The following PALLD variants were observed in gnomAD, a reference collection of about 807,000 sequenced individuals.
PALLD encodes the protein palladin, cytoskeletal associated protein.
A neutral mutation model predicts 123.5 loss-of-function variants in PALLD; 61 were observed. That is an observed-to-expected ratio of 0.49 (90% CI 0.40 to 0.61). The LOEUF is 0.61. Among genes scored for constraint, PALLD ranks in the 20% least tolerant of loss-of-function variants. The probability of loss-of-function intolerance (pLI) is 0.00; values close to 1 mark genes in which losing one functional copy is unlikely to be tolerated. For missense variants in PALLD, 1,273 were observed against 1,377.0 expected (o/e 0.92, Z 1.20); for synonymous variants, 465 against 496.4 (o/e 0.94, Z 0.84).
At chr4:168,807,275 A>ATG (rs1436222370) in intron 10 of PALLD, among the ~76,000 whole-genome samples, 2 of 149,442 alleles carry the variant, frequency 1.3e-5, no homozygotes, top group African/African-American at 5.0e-5. Flanking sequence ...ACACACACAC[A>ATG]CGCACACACA....
intron 10 of PALLD, among the ~76,000 whole-genome samples, chr4:168,822,872 C>T (rs1189942656): frequency 6.6e-6 from 1 of 152,066 alleles, no homozygotes; most frequent in Non-Finnish European, 1.5e-5. Flanking sequence ...GATTTAGGTT[C>T]ACATAGAATA....
At chr4:168,498,498 T>C (rs2149384002) in intron 1 of PALLD, among the ~76,000 whole-genome samples, 1 of 152,312 alleles carries the variant, frequency 6.6e-6, no homozygotes, top group Middle Eastern at 3.4e-3. Context: ...AAAATAAATA[T>C]GACAAGTTCT....
chr4:168,562,385 T>A (rs1437146044), intron 2 of PALLD, among the ~76,000 whole-genome samples: 1 of 152,226 alleles, frequency 6.6e-6, no homozygotes, highest in Non-Finnish European at 1.5e-5. Flanking sequence ...AGTAAGTCTG[T>A]GTTCTAAGCA....
chr4:168,802,017 T>A (rs1002844155), intron 10 of PALLD, among the ~76,000 whole-genome samples: 4 of 152,228 alleles, frequency 2.6e-5, no homozygotes, highest in Admixed American at 2.6e-4. Flanking sequence ...GAACATGGAA[T>A]TAGGTTAGTA....
intron 3 of PALLD, among the ~76,000 whole-genome samples, chr4:168,668,878 G>A (rs890225358): frequency 1.3e-5 from 2 of 152,168 alleles, no homozygotes; most frequent in Non-Finnish European, 2.9e-5. Flanking sequence ...AATCAATGTT[G>A]TATTAAAGAG....
chr4:168,543,874 C>T (rs937041050), intron 2 of PALLD, among the ~76,000 whole-genome samples: 1 of 152,142 alleles, frequency 6.6e-6, no homozygotes, highest in Non-Finnish European at 1.5e-5. Flanking sequence ...AGGAAGAGAT[C>T]CTTCTAGTTT....
At chr4:168,660,786 C>T (rs957297620) in intron 2 of PALLD, among the ~76,000 whole-genome samples, 3 of 152,064 alleles carry the variant, frequency 2.0e-5, no homozygotes, top group Non-Finnish European at 4.4e-5. Context: ...ATCTCCTCTC[C>T]AACAAATTGA....
At chr4:168,754,816 G>A (rs539273479) in intron 10 of PALLD, among the ~76,000 whole-genome samples, 1 of 152,320 alleles carries the variant, frequency 6.6e-6, no homozygotes, top group African/African-American at 2.4e-5. Flanking sequence ...CACACATGGG[G>A]ATGGAACAAT....
chr4:168,840,653 T>C (rs1351987152), intron 10 of PALLD, among the ~76,000 whole-genome samples: 1 of 152,134 alleles, frequency 6.6e-6, no homozygotes, highest in African/African-American at 2.4e-5. Flanking sequence ...TAAAAGTTAT[T>C]TGGAATGATT....
chr4:168,716,211 G>A (rs991710091), intron 10 of PALLD, among the ~76,000 whole-genome samples: 1 of 152,120 alleles, frequency 6.6e-6, no homozygotes, highest in Admixed American at 6.5e-5. Flanking sequence ...CTCTAAGCCT[G>A]TAGACGAGCA....
At chr4:168,697,908 A>G (rs1403102261) in intron 8 of PALLD, among the ~76,000 whole-genome samples, 1 of 152,236 alleles carries the variant, frequency 6.6e-6, no homozygotes, top group African/African-American at 2.4e-5. Flanking sequence ...TCAAATAGAT[A>G]TCTGCACTCC....
At chr4:168,696,970 G>A (rs902905579) in intron 8 of PALLD, among the ~76,000 whole-genome samples, 1 of 152,162 alleles carries the variant, frequency 6.6e-6, no homozygotes, top group Non-Finnish European at 1.5e-5. Context: ...TCCACTGATT[G>A]CACAACATAT....
At chr4:168,898,175 G>A (rs1271864534) in intron 13 of PALLD, 1 of 393,480 alleles carries the variant, frequency 2.5e-6, no homozygotes, top group African/African-American at 2.1e-5. Context: ...AACAGTTTAG[G>A]AATACATAGC....
At chr4:168,527,563 GAAACTT>G (rs1764191218) in intron 2 of PALLD, among the ~76,000 whole-genome samples, 1 of 151,694 alleles carries the variant, frequency 6.6e-6, no homozygotes, top group South Asian at 2.1e-4. Context: ...GATCAGAAAA[GAAACTT>G]AAATATTCCT....
intron 8 of PALLD, among the ~76,000 whole-genome samples, chr4:168,706,867 TACA>T (rs529069124): frequency 1.1e-3 from 160 of 152,280 alleles, no homozygotes; most frequent in African/African-American, 3.7e-3. Flanking sequence ...TAGAATCAAA[TACA>T]ACAAACTCTG....
At chr4:168,718,058 T>C (rs1785536720) in intron 10 of PALLD, among the ~76,000 whole-genome samples, 1 of 152,182 alleles carries the variant, frequency 6.6e-6, no homozygotes, top group Admixed American at 6.5e-5. Flanking sequence ...GCCAGACTTG[T>C]GGTGAAGGGC....
intron 2 of PALLD, among the ~76,000 whole-genome samples, chr4:168,513,594 T>C (rs1157845290): frequency 6.6e-6 from 1 of 152,214 alleles, no homozygotes; most frequent in Non-Finnish European, 1.5e-5. Context: ...TATGATTAAA[T>C]AATACATGGG....
chr4:168,901,896 T>C (rs148372028), intron 14 of PALLD, among the ~76,000 whole-genome samples: 1,531 of 152,274 alleles, frequency 0.01, 13 homozygotes, highest in Non-Finnish European at 0.018. Flanking sequence ...AAAATAATTA[T>C]GAAGTATGAT....
At chr4:168,854,266 G>T (rs560168108) in intron 10 of PALLD, among the ~76,000 whole-genome samples, 1 of 152,278 alleles carries the variant, frequency 6.6e-6, no homozygotes, top group South Asian at 2.1e-4. Flanking sequence ...GAGAAAGACT[G>T]GTAGTGGGAG....
Sources: gnomAD v4.1 joint callset for allele counts (sites outside exome capture counted in the v4.1 genomes callset) on GRCh38, gnomAD v4.1.1 for gene constraint, MANE v1.5 for transcripts, NCBI Gene and HGNC (gene_info 2026-07-23, HGNC 2026-07-21) for gene names.